The following LRP5 variants were observed in gnomAD, a reference collection of about 807,000 sequenced individuals.
LRP5 encodes low-density lipoprotein receptor-related protein 5.
LRP5 carries 62 observed loss-of-function variants against 154.1 expected under a neutral mutation model. The observed-to-expected ratio is 0.40, with a 90% CI of 0.33 to 0.50. The LOEUF (loss-of-function observed/expected upper bound fraction) is 0.50. LRP5 is among the 20% of genes least tolerant of loss of function. The pLI, the probability that LRP5 is intolerant of heterozygous loss-of-function variation, is 0.55. For missense variants in LRP5, 1,915 were observed against 2,336.7 expected, an observed-to-expected ratio of 0.82 and a Z score of 3.72; for synonymous variants, 966 against 1,011.5, an observed-to-expected ratio of 0.96 and a Z score of 0.85.
At chr11:68,440,919 C>T (rs2098677871) in intron 21 of LRP5, among the ~76,000 whole-genome samples, 1 of 152,150 alleles carries the variant, frequency 6.6e-6, no homozygotes, top group Non-Finnish European at 1.5e-5. Context: ...CAGGCATGTG[C>T]CACCACGCCC....
chr11:68,321,627 C>T (rs2098596828), intron 1 of LRP5, among the ~76,000 whole-genome samples: 1 of 152,144 alleles, frequency 6.6e-6, no homozygotes. Context: ...CTTGCCCGAG[C>T]CACTCCTGCT....
intron 16 of LRP5, among the ~76,000 whole-genome samples, chr11:68,427,275 C>T (rs555764056): frequency 6.6e-6 from 1 of 152,152 alleles, no homozygotes; most frequent in Admixed American, 6.6e-5. Context: ...GGGGAGGGGC[C>T]TCCACAGCTG....
chr11:68,320,359 C>T (rs1309230139), intron 1 of LRP5, among the ~76,000 whole-genome samples: 1 of 152,088 alleles, frequency 6.6e-6, no homozygotes, highest in African/African-American at 2.4e-5. Flanking sequence ...GCACAACCCT[C>T]ATTTCTGGTT....
At chr11:68,339,188 T>G (rs2098607419) in intron 1 of LRP5, among the ~76,000 whole-genome samples, 2 of 152,014 alleles carry the variant, frequency 1.3e-5, no homozygotes, top group East Asian at 3.9e-4. Flanking sequence ...TTGTTTTTGT[T>G]TTTTTGAGAC....
intron 8 of LRP5, among the ~76,000 whole-genome samples, chr11:68,406,150 G>T (rs1406508016): frequency 6.6e-6 from 1 of 152,222 alleles, no homozygotes; most frequent in Non-Finnish European, 1.5e-5. Context: ...AGTGCCTGGC[G>T]CCTGACAAGG....
intron 13 of LRP5, among the ~76,000 whole-genome samples, chr11:68,421,008 T>G (rs574175863): frequency 2.0e-5 from 3 of 152,132 alleles, no homozygotes; most frequent in Non-Finnish European, 2.9e-5. Context: ...GGGCGGATCA[T>G]GAGGTCAGGA....
rs2098642856 is a variant in LRP5 at position 68,386,136 on chromosome 11, T to A, written c.1016-180T>A. 6.6e-6 allele frequency among the ~76,000 whole-genome samples: 1 copy of A among 152,096 alleles called. No homozygotes were observed. The highest frequency in any genetic ancestry group is 1.5e-5 in the Non-Finnish European group (1 of 67,984). On this transcript the variant is annotated intron_variant, in intron 5 of 22. Transcript: ENST00000294304. The surrounding 1 kb of genome is among the most constrained non-coding windows in gnomAD (Gnocchi z 7.9). ...CAGTGCCAGCCTCCCAGAGGTGTCA[T>A]GAGGATGAACGAGTGACCATGTAGC...
chr11:68,403,971 G>A (rs1045690315), intron 8 of LRP5: 7 of 548,578 alleles, frequency 1.3e-5, no homozygotes, highest in Non-Finnish European at 2.3e-5. Flanking sequence ...CCCTGGCCGG[G>A]AGCCTTCGTG....
chr11:68,319,072 GTTTTTTTT>G (rs59893808), intron 1 of LRP5, among the ~76,000 whole-genome samples: 1 of 92,228 alleles, frequency 1.1e-5, no homozygotes, highest in Non-Finnish European at 2.1e-5. Flanking sequence ...CTGGCTCCTT[GTTTTTTTT>G]TTTTTTTTTT....
chr11:68,320,526 A>G (rs1243640679), intron 1 of LRP5, among the ~76,000 whole-genome samples: 1 of 142,668 alleles, frequency 7.0e-6, no homozygotes, highest in African/African-American at 2.6e-5. Context: ...CGCGATTGCC[A>G]TCTTGGTTCA....
intron 6 of LRP5, among the ~76,000 whole-genome samples, chr11:68,389,380 A>G (rs2098644972): frequency 6.6e-6 from 1 of 152,196 alleles, no homozygotes; most frequent in Admixed American, 6.5e-5. Context: ...ATCTACTGAC[A>G]CTGACATTTA....
rs751139831 is a variant in LRP5, at chr11:68,416,475, A to G, written c.2975A>G (p.Tyr992Cys). Reference protein sequence around the residue: ...IDYDPLDKFIYWVDGRQNIKR... With the variant: ...IDYDPLDKFICWVDGRQNIKR... ...TATGACCCACTGGACAAGTTCATCT[A>G]CTGGGTGGATGGGCGCCAGAACATC... The change falls in exon 13 of 23, where the codon TAC (tyrosine) becomes TGC (cysteine). Residue 992 changes from tyrosine to cysteine, a missense_variant. Coordinates refer to ENST00000294304, the MANE Select transcript of LRP5 (RefSeq NM_002335.4). 4 of 1,614,028 alleles carry G rather than the reference A, an allele frequency of 2.5e-6. No homozygotes were observed. In the South Asian group the frequency reaches 3.3e-5, roughly 13 times the overall value.
At chr11:68,403,002 T>A (rs1273830337) in intron 7 of LRP5, among the ~76,000 whole-genome samples, 1 of 152,084 alleles carries the variant, frequency 6.6e-6, no homozygotes, top group Non-Finnish European at 1.5e-5. Flanking sequence ...TCCCAGCACT[T>A]TGGGAGGCTG....
intron 3 of LRP5, among the ~76,000 whole-genome samples, chr11:68,360,345 C>CA (rs2098626788): frequency 6.6e-6 from 1 of 152,188 alleles, no homozygotes; most frequent in South Asian, 2.1e-4. Context: ...CCCCTGTGCA[C>CA]AGAGAAGCAT....
intron 8 of LRP5, chr11:68,404,521 G>A (rs1006747319): frequency 9.0e-5 from 44 of 487,876 alleles, no homozygotes; most frequent in Middle Eastern, 3.2e-4. Flanking sequence ...GGTTGGGGCA[G>A]AAAGCACAGC....
chr11:68,392,526 A>T (rs886419911), intron 7 of LRP5, among the ~76,000 whole-genome samples: 4 of 152,062 alleles, frequency 2.6e-5, no homozygotes, highest in African/African-American at 4.8e-5. Context: ...AATAAAAAAA[A>T]TTTTAAAAAG....
At chr11:68,414,167 G>A (rs1360815636) in intron 12 of LRP5, among the ~76,000 whole-genome samples, 155 bp downstream of exon 12, 2 of 152,228 alleles carry the variant, frequency 1.3e-5, no homozygotes, top group Non-Finnish European at 2.9e-5. Context: ...TGCTACCTGG[G>A]GGTCCAGGTC....
Position 68,357,795 on chromosome 11 carries a change from G to A in LRP5, c.634G>A (p.Ala212Thr). 1 of 1,613,996 alleles carries A rather than the reference G, an allele frequency of 6.2e-7. No individual in the cohort carries two copies. Among genetic ancestry groups the A allele is most frequent in the Non-Finnish European group, 8.5e-7 (1 of 1,179,942 alleles). ...IDLEEQKLYW[A>T]DAKLSFIHRA... is the part of the protein sequence containing the mutation. ...CCTGGAGGAGCAGAAGCTCTACTGG[G>A]CTGACGCCAAGCTCAGCTTCATCCA... is the stretch of plus-strand genomic sequence containing the variant. The change falls in exon 3 of 23, where the codon GCT becomes ACT. Residue 212 changes from alanine to threonine, a missense_variant. Coordinates refer to ENST00000294304, the MANE Select transcript of LRP5 (RefSeq NM_002335.4).
intron 17 of LRP5, among the ~76,000 whole-genome samples, chr11:68,432,246 G>T (rs1361453853): frequency 6.6e-6 from 1 of 152,200 alleles, no homozygotes; most frequent in Non-Finnish European, 1.5e-5. Context: ...AGGCTGCTCG[G>T]TTTCACAACT....
Sources: allele counts gnomAD v4.1 joint callset (sites outside exome capture counted in the v4.1 genomes callset), GRCh38; gene constraint gnomAD v4.1.1; non-coding constraint Gnocchi (gnomAD v3.1); transcripts MANE v1.5; gene names NCBI Gene and HGNC (gene_info 2026-07-23, HGNC 2026-07-21).